Variants in ST13 observed in about 807,000 individuals in gnomAD.
ST13 encodes the protein hsc70-interacting protein.
ST13 carries 23 observed loss-of-function variants against 56.7 expected under a neutral mutation model. The observed-to-expected ratio is 0.41, with a 90% CI of 0.29 to 0.57. The LOEUF (loss-of-function observed/expected upper bound fraction) is 0.57. Ranked by LOEUF, ST13 falls within the 20% of genes least tolerant of loss-of-function variation. ST13 has a pLI of 0.36. For synonymous variants in ST13, 132 were observed against 142.4 expected (o/e 0.93, Z 0.52); for missense variants, 369 against 459.9 (o/e 0.80, Z 1.81).
chr22:40,840,336 T>C (rs753998242), intron 5 of ST13, among the ~76,000 whole-genome samples: 151 of 117,778 alleles, frequency 1.3e-3, no homozygotes, highest in Non-Finnish European at 1.4e-3. Context: ...CTACTACTAC[T>C]TTTTTTTTTT....
chr22:40,856,509 G>A lies in ST13; in HGVS notation c.32C>T (p.Ala11Val). Residue 11 changes from alanine to valine, a missense_variant, in exon 1 of 12, where the codon GCC becomes GTC. By Grantham distance (64) the Ala-to-Val change is moderately conservative (BLOSUM62 0). Transcript: ENST00000216218. ...ATCCTGCTTACACATTTTCACAAAG[G>A]CCCGAAGCTCGTTCACTTTGCGGGG... MDPRKVNELR[A>V]FVKMCKQDPS... is the part of the protein sequence containing the mutation. The A allele has an allele frequency of 6.2e-7, 1 of 1,613,168 alleles. No individual in the cohort carries two copies. Among genetic ancestry groups the A allele is most frequent in the Non-Finnish European group, 8.5e-7 (1 of 1,179,738 alleles).
At chr22:40,830,525 C>A (rs1479346087) in intron 9 of ST13, among the ~76,000 whole-genome samples, 1 of 152,214 alleles carries the variant, frequency 6.6e-6, no homozygotes, top group Non-Finnish European at 1.5e-5. Context: ...TTTAATTAAT[C>A]TGGCGAAGCA....
chr22:40,850,450 G>C (rs556294905), intron 2 of ST13, among the ~76,000 whole-genome samples: 5 of 152,122 alleles, frequency 3.3e-5, no homozygotes, highest in Admixed American at 2.6e-4. Context: ...TTAAATTACT[G>C]ACCTGGGATA....
intron 1 of ST13, among the ~76,000 whole-genome samples, chr22:40,853,807 G>A (rs566793318): frequency 6.6e-6 from 1 of 152,168 alleles, no homozygotes; most frequent in South Asian, 2.1e-4. Flanking sequence ...CACTCTCTTC[G>A]ATCTTAATTA....
chr22:40,856,600 G>A lies in ST13; in HGVS notation c.-60C>T, dbSNP rs2057898768. On this transcript the variant is annotated 5_prime_UTR_variant, in exon 1 of 12. Coordinates refer to ENST00000216218, the MANE Select transcript of ST13 (RefSeq NM_003932.5). ...CGGCCCGGTTCCAGGCCCAGGCGCT[G>A]GCTCGGCGTGACCGCGCAGAAGGGG... The A allele has an allele frequency of 6.9e-7, 1 of 1,440,390 alleles. No homozygotes were observed. Among genetic ancestry groups the A allele is most frequent in the Non-Finnish European group, 9.7e-7 (1 of 1,026,824 alleles). The allele number at this position is 1,440,390 out of a possible 1,614,324, so 89.2% of individuals were successfully genotyped here.
At chr22:40,843,021 G>A (rs1377730551) in intron 4 of ST13, among the ~76,000 whole-genome samples, 1 of 152,194 alleles carries the variant, frequency 6.6e-6, no homozygotes, top group Admixed American at 6.5e-5. Context: ...TCAGGAGGCT[G>A]AGGTGGGAGG....
intron 11 of ST13, 114 bp from the exon 12 acceptor site, chr22:40,826,780 T>C (rs923858331): frequency 7.7e-7 from 1 of 1,297,212 alleles, no homozygotes; most frequent in Admixed American, 2.1e-5. Flanking sequence ...TTAAGTTAAA[T>C]GGGGTTTAGA....
chr22:40,835,864 A>G lies in ST13; in HGVS notation c.406T>C (p.Leu136=). The change falls in exon 6 of 12, where the codon TTA becomes CTA. Residue 136 remains leucine (L), a synonymous_variant. Transcript: ENST00000216218. ...TTCAGCTTGATGGCATCTGTGAATA[A>G]GTCAATGGCTTTCTGGAGTTCACCT... ...NDGELQKAID[L]FTDAIKLNPR... The G allele has an allele frequency of 6.2e-7, 1 of 1,612,976 alleles. No homozygotes were observed.
chr22:40,848,247 T>C lies in ST13; in HGVS notation c.244+47A>G, dbSNP rs556333540. ...GTCACTTTAATAAAAATCAACAAAG[T>C]ATCACATCATAGGTTTTCAAATACA... On this transcript the variant is annotated intron_variant, in intron 3 of 11. Transcript: ENST00000216218. 475 of 1,339,024 alleles carry C rather than the reference T, an allele frequency of 3.5e-4. 1 individual carries two copies. The highest frequency in any genetic ancestry group is 1.5e-3 in the Middle Eastern group (8 of 5,478). 82.9% of individuals were successfully genotyped at this position (1,339,024 alleles called of 1,614,324 possible). A position where few individuals can be genotyped will look rare whatever the true frequency, so the allele number is the denominator to read the frequency against.
At chr22:40,850,009 G>C (rs1192990820) in intron 2 of ST13, among the ~76,000 whole-genome samples, 2 of 151,760 alleles carry the variant, frequency 1.3e-5, no homozygotes, top group East Asian at 1.9e-4. Flanking sequence ...TCACGCCTTA[G>C]TCCCAGCACC....
intron 2 of ST13, among the ~76,000 whole-genome samples, chr22:40,850,457 G>A (rs898594228): frequency 6.6e-6 from 1 of 152,068 alleles, no homozygotes; most frequent in Non-Finnish European, 1.5e-5. Context: ...ACTGACCTGG[G>A]ATACTTCATT....
intron 3 of ST13, among the ~76,000 whole-genome samples, chr22:40,848,074 T>G (rs536353629): frequency 1.4e-3 from 206 of 151,882 alleles, no homozygotes; most frequent in African/African-American, 4.7e-3. Flanking sequence ...CAAAAAAAAA[T>G]ATTGATTACA....
In ST13 at chr22:40,828,494, T is replaced by A. The variant is rs1386647561; in HGVS notation, c.847+1132A>T. Reference sequence around the variant, plus strand: ...CGGGCGTGGTGGCAGGCGCCTGTAGTCCCAGCTACTCGGGAGGCTGAGGCA... The same window carrying A: ...CGGGCGTGGTGGCAGGCGCCTGTAGACCCAGCTACTCGGGAGGCTGAGGCA... On this transcript the variant is annotated intron_variant, in intron 10 of 11. Coordinates refer to ENST00000216218, the MANE Select transcript of ST13 (RefSeq NM_003932.5). Among the ~76,000 whole-genome samples, 8 of 151,384 alleles carry A rather than the reference T, an allele frequency of 5.3e-5. No individual in the cohort carries two copies. The South Asian group carries it at 1.5e-3, about 28-fold the overall frequency.
rs934026526 is a variant in ST13 at position 40,826,504 on chromosome 22, TC to T, written c.*33del. On this transcript the variant is annotated 3_prime_UTR_variant, in exon 12 of 12. Coordinates refer to ENST00000216218, the MANE Select transcript of ST13 (RefSeq NM_003932.5). ...TCCATAAGGTGATCTAGGTTGCTTT[TC>T]CTTCAGCAAGGGCTTTATTTATCAG... 2 of 1,594,746 alleles carry T rather than the reference TC, an allele frequency of 1.3e-6. No individual in the cohort carries two copies. The highest frequency in any genetic ancestry group is 2.7e-5 in the African/African-American group (2 of 74,662).
chr22:40,856,175 G>A (rs758381777), intron 1 of ST13, among the ~76,000 whole-genome samples: 6 of 152,168 alleles, frequency 3.9e-5, no homozygotes, highest in Non-Finnish European at 5.9e-5. Context: ...CCGCAGTCCT[G>A]TTTTTGTATT....
chr22:40,832,074 T>C, intron 8 of ST13: 1 of 405,624 alleles, frequency 2.5e-6, no homozygotes, highest in South Asian at 1.8e-5. Flanking sequence ...CAGGCTGGTC[T>C]TGAACTCCTG....
At chr22:40,827,305 G>C in intron 10 of ST13, 76 bp from the exon 11 acceptor site, 5 of 1,515,212 alleles carry the variant, frequency 3.3e-6, no homozygotes, top group South Asian at 1.2e-5. Context: ...AAAAAGTACA[G>C]GTTCAAAGAA....
chr22:40,842,982 T>C (rs1184064209), intron 4 of ST13, among the ~76,000 whole-genome samples: 3 of 152,100 alleles, frequency 2.0e-5, no homozygotes, highest in Non-Finnish European at 4.4e-5. Flanking sequence ...TAGCTGGACA[T>C]GGTGGTGCAT....
chr22:40,845,488 G>A (rs987990999), intron 3 of ST13, among the ~76,000 whole-genome samples: 1 of 152,036 alleles, frequency 6.6e-6, no homozygotes, highest in African/African-American at 2.4e-5. Flanking sequence ...ATTTTTAAAA[G>A]TAGCATGGAC....
Sources: allele counts gnomAD v4.1 joint callset (sites outside exome capture counted in the v4.1 genomes callset), GRCh38; gene constraint gnomAD v4.1.1; transcripts MANE v1.5; gene names NCBI Gene and HGNC (gene_info 2026-07-23, HGNC 2026-07-21).